The following CUBN variants were observed in gnomAD, a reference collection of about 807,000 sequenced individuals.
CUBN encodes the protein cubilin, also known as 460 kDa receptor.
Under a neutral mutation model 405.3 loss-of-function variants are expected in CUBN, and 282 were observed. The observed-to-expected ratio is 0.70, with a 90% CI of 0.63 to 0.77. CUBN has a LOEUF of 0.77. CUBN is among the 30% of genes least tolerant of loss of function. CUBN has a pLI of 0.00. For missense variants in CUBN, 4,514 were observed against 4,475.2 expected (o/e 1.01, Z -0.25); for synonymous variants, 1,684 against 1,617.0 (o/e 1.04, Z -0.99).
Position 16,971,741 on chromosome 10 carries a change from G to C in CUBN, c.4695+10743C>G, listed in dbSNP as rs7079966. 8.7e-3 allele frequency among the ~76,000 whole-genome samples: 1,320 copies of C among 151,988 alleles called. 20 individuals carry two copies. The highest frequency in any genetic ancestry group is 0.031 in the African/African-American group (1,272 of 41,410). Reference sequence around the variant, plus strand: ...GAAAACATGATTTTCTCTACTGTTCGCCTGGCTCTCACATTCAGCTGCTCT... The same window carrying C: ...GAAAACATGATTTTCTCTACTGTTCCCCTGGCTCTCACATTCAGCTGCTCT... On this transcript the variant is annotated intron_variant, in intron 31 of 66. Coordinates refer to ENST00000377833, the MANE Select transcript of CUBN (RefSeq NM_001081.4).
chr10:17,014,476 G>A (rs543033753), intron 28 of CUBN, among the ~76,000 whole-genome samples: 229 of 152,214 alleles, frequency 1.5e-3, no homozygotes, highest in African/African-American at 5.3e-3. Flanking sequence ...AGCAAAAGCC[G>A]ATGATTCCAA....
In CUBN at chr10:16,928,321, GAAC is replaced by G. The variant is rs766554960; in HGVS notation, c.6125-21_6125-19del. On this transcript the variant is annotated intron_variant, in intron 40 of 66. Transcript: ENST00000377833. ...ATTATCTCCTACGTTGAAAGAAAGG[GAAC>G]AACATGAAAATACATCTTGAGAATC... 7 of 1,612,866 alleles carry G rather than the reference GAAC, an allele frequency of 4.3e-6. No homozygotes were observed. The highest frequency in any genetic ancestry group is 1.1e-5 in the South Asian group (1 of 91,042).
intron 28 of CUBN, among the ~76,000 whole-genome samples, chr10:17,004,536 T>A (rs528387693): frequency 6.6e-6 from 1 of 152,208 alleles, no homozygotes; most frequent in African/African-American, 2.4e-5. Context: ...ATTTCCTATC[T>A]ATGAATAATG....
chr10:16,973,523 G>A (rs1427553365), intron 31 of CUBN, among the ~76,000 whole-genome samples: 2 of 152,186 alleles, frequency 1.3e-5, no homozygotes, highest in African/African-American at 4.8e-5. Context: ...AAGGGTCCAT[G>A]TGCAGGTTTG....
At chr10:17,118,676 A>T (rs1410764920) in intron 6 of CUBN, among the ~76,000 whole-genome samples, 4 of 152,166 alleles carry the variant, frequency 2.6e-5, no homozygotes, top group Non-Finnish European at 1.5e-5. Context: ...ACATCAGGTG[A>T]TCCACCCACC....
intron 8 of CUBN, among the ~76,000 whole-genome samples, chr10:17,111,797 G>A (rs543413031): frequency 1.3e-5 from 2 of 152,148 alleles, no homozygotes; most frequent in East Asian, 1.9e-4. Flanking sequence ...GGTGGTTCAC[G>A]CCTGTAGTCC....
Position 17,023,757 on chromosome 10 carries a change from A to C in CUBN, c.4018-3774T>G, listed in dbSNP as rs937143088. The C allele has an allele frequency of 3.2e-5, 12 of 372,466 alleles. No individual in the cohort carries two copies. The Admixed American group carries it at 3.7e-4, about 11-fold the overall frequency. 23.1% of individuals were successfully genotyped at this position (372,466 alleles called of 1,614,324 possible). ...AGAAAGGAAACTAGTAAAAACTAAG[A>C]AAGATTGCGATTCTCACCTTGAATA... On this transcript the variant is annotated intron_variant, in intron 27 of 66. Coordinates refer to ENST00000377833, the MANE Select transcript of CUBN (RefSeq NM_001081.4).
At chr10:16,841,117 C>T (rs187147305) in intron 60 of CUBN, 70 bp from the exon 61 acceptor site, 99 of 1,406,564 alleles carry the variant, frequency 7.0e-5, no homozygotes, top group Admixed American at 2.9e-4. Flanking sequence ...CTAAATTGGA[C>T]GCGAAGTTGC....
intron 56 of CUBN, among the ~76,000 whole-genome samples, chr10:16,887,608 C>G (rs1840858564): frequency 6.6e-6 from 1 of 152,160 alleles, no homozygotes. Flanking sequence ...GGAACTCTTC[C>G]TCGTACACTT....
intron 22 of CUBN, among the ~76,000 whole-genome samples, chr10:17,056,546 T>TGGAG (rs1835400820): frequency 6.6e-6 from 1 of 151,860 alleles, no homozygotes; most frequent in African/African-American, 2.4e-5. Context: ...GAGTCGGAGC[T>TGGAG]TGCAGTGAGC....
chr10:17,099,169 G>GT (rs1294813439), intron 14 of CUBN, among the ~76,000 whole-genome samples: 1 of 152,108 alleles, frequency 6.6e-6, no homozygotes, highest in Admixed American at 6.5e-5. Flanking sequence ...AAAAACACCA[G>GT]TAAAAAAGAT....
intron 17 of CUBN, among the ~76,000 whole-genome samples, chr10:17,077,130 A>G (rs766508722): frequency 6.6e-6 from 1 of 152,186 alleles, no homozygotes; most frequent in African/African-American, 2.4e-5. Context: ...ACAAGAACCA[A>G]TTCAAAATTC....
chr10:17,026,476 A>T (rs752704907), intron 27 of CUBN, among the ~76,000 whole-genome samples: 2 of 152,002 alleles, frequency 1.3e-5, no homozygotes, highest in African/African-American at 4.8e-5. Context: ...TACTAAAAAT[A>T]TAAAAAATTA....
intron 59 of CUBN, among the ~76,000 whole-genome samples, chr10:16,865,327 T>C (rs776176227): frequency 1.2e-4 from 18 of 152,114 alleles, no homozygotes; most frequent in Non-Finnish European, 2.1e-4. Flanking sequence ...TTGTTATATA[T>C]GTGCTTGGGT....
intron 9 of CUBN, 29 bp downstream of exon 9, chr10:17,110,890 A>C: frequency 2.5e-6 from 4 of 1,614,160 alleles, no homozygotes; most frequent in Non-Finnish European, 3.4e-6. Context: ...TGCTGGGGTC[A>C]GGAGGTTGAC....
At chr10:16,945,593 C>T (rs1341081323) in intron 36 of CUBN, among the ~76,000 whole-genome samples, 1 of 151,930 alleles carries the variant, frequency 6.6e-6, no homozygotes, top group East Asian at 1.9e-4. Context: ...CATGGTGAAA[C>T]TCCATCACTA....
intron 6 of CUBN, among the ~76,000 whole-genome samples, chr10:17,118,795 G>C (rs1027879595): frequency 2.0e-5 from 3 of 152,278 alleles, no homozygotes; most frequent in East Asian, 1.9e-4. Context: ...AAGGTGTCTT[G>C]ATATGGCCTT....
intron 11 of CUBN, among the ~76,000 whole-genome samples, chr10:17,104,947 T>C (rs1184644982): frequency 6.6e-6 from 1 of 151,478 alleles, no homozygotes; most frequent in African/African-American, 2.4e-5. Flanking sequence ...TAGCTGGGAT[T>C]ACAGGCACGC....
intron 29 of CUBN, among the ~76,000 whole-genome samples, chr10:16,984,515 C>T (rs1243911947): frequency 6.6e-6 from 1 of 152,092 alleles, no homozygotes; most frequent in Non-Finnish European, 1.5e-5. Context: ...TTTCATCAGC[C>T]AGAATTGCAG....
Sources: allele counts gnomAD v4.1 joint callset (sites outside exome capture counted in the v4.1 genomes callset), GRCh38; gene constraint gnomAD v4.1.1; transcripts MANE v1.5; gene names NCBI Gene and HGNC (gene_info 2026-07-23, HGNC 2026-07-21).